Variants in PRSS37 observed in about 807,000 individuals in gnomAD.
The protein encoded by PRSS37 is serine protease 37, also known as probable inactive serine protease 37.
A neutral mutation model predicts 28.0 loss-of-function variants in PRSS37; 25 were observed. The observed-to-expected ratio is 0.89, with a 90% CI of 0.65 to 1.25. The LOEUF is 1.25. PRSS37 is among the 50% of genes most tolerant of loss of function. PRSS37 has a pLI of 0.00. For missense variants in PRSS37, 282 were observed against 292.2 expected, an observed-to-expected ratio of 0.97 and a Z score of 0.25; for synonymous variants, 109 against 107.8, an observed-to-expected ratio of 1.01 and a Z score of -0.07.
Position 141,841,328 on chromosome 7 carries a change from G to C in PRSS37, c.-279C>G, listed in dbSNP as rs991704492. ...CTCCTGGATTCAGCTCCTTCTATCTGCTGCCCCTAAAAACACATCTGTTTG... is the reference window on the plus strand; with the variant it reads ...CTCCTGGATTCAGCTCCTTCTATCTCCTGCCCCTAAAAACACATCTGTTTG... On this transcript the variant is annotated 5_prime_UTR_variant, in exon 1 of 5. Transcript: ENST00000350549. 3 of 458,562 alleles carry C rather than the reference G, an allele frequency of 6.5e-6. No individual in the cohort carries two copies. The highest frequency in any genetic ancestry group is 6.1e-5 in the African/African-American group (3 of 49,522). 28.4% of individuals were successfully genotyped at this position (458,562 alleles called of 1,614,324 possible).
intron 2 of PRSS37, 121 bp from the exon 3 acceptor site, chr7:141,838,234 A>G: frequency 6.6e-7 from 1 of 1,519,594 alleles, no homozygotes; most frequent in Non-Finnish European, 8.9e-7. Flanking sequence ...CATTTAACTC[A>G]CAACAAGTCT....
rs1465165178 is a variant in PRSS37, at chr7:141,836,425, G to T, written c.678C>A (p.Ser226=). The T allele has an allele frequency of 6.2e-7, 1 of 1,614,038 alleles. No homozygotes were observed. Among genetic ancestry groups the T allele is most frequent in the South Asian group, 1.1e-5 (1 of 91,082 alleles). The change falls in exon 5 of 5, where the codon TCC becomes TCA. Residue 226 remains serine, a synonymous_variant. Transcript: ENST00000350549. The part of the protein sequence containing the change: ...GIYTNVYKYV[S]WIENTAKDK The stretch of plus-strand genomic sequence containing the variant: ...TGTCCTTAGCAGTGTTCTCAATCCA[G>T]GATACATATTTGTAAACATTGGTGT...
intron 1 of PRSS37, 131 bp from the exon 2 acceptor site, chr7:141,839,610 T>C (rs1244836610): frequency 6.4e-6 from 4 of 620,548 alleles, no homozygotes; most frequent in Non-Finnish European, 1.1e-5. Flanking sequence ...GTATTTGACA[T>C]GTTTTTCTAA....
chr7:141,841,184 G>A lies in PRSS37; in HGVS notation c.-135C>T. On this transcript the variant is annotated 5_prime_UTR_variant, in exon 1 of 5. The change creates a premature stop within an existing upstream ORF in the 5' untranslated region. Coordinates refer to ENST00000350549, the MANE Select transcript of PRSS37 (RefSeq NM_001008270.3). The stretch of plus-strand genomic sequence containing the variant: ...AGATACGGAGGCACTCCATGGGATT[G>A]GAAAGCAGCTCTGGGCATAAACAGG... 5 of 1,517,380 alleles carry A rather than the reference G, an allele frequency of 3.3e-6. No individual in the cohort carries two copies. Among genetic ancestry groups the A allele is most frequent in the Non-Finnish European group, 4.4e-6 (5 of 1,128,470 alleles). The allele number at this position is 1,517,380 out of a possible 1,614,324, so 94.0% of individuals were successfully genotyped here.
chr7:141,841,209 G>A lies in PRSS37; in HGVS notation c.-160C>T, dbSNP rs1199091920. 1.4e-6 allele frequency: 2 copies of A among 1,458,216 alleles called. No homozygotes were observed. The highest frequency in any genetic ancestry group is 2.8e-5 in the African/African-American group (2 of 70,878). The allele number at this position is 1,458,216 out of a possible 1,614,324, so 90.3% of individuals were successfully genotyped here. A position where few individuals can be genotyped will look rare whatever the true frequency, so the allele number is the denominator to read the frequency against. On this transcript the variant is annotated 5_prime_UTR_variant, in exon 1 of 5. Coordinates refer to ENST00000350549, the MANE Select transcript of PRSS37 (RefSeq NM_001008270.3). ...GGAAAGCAGCTCTGGGCATAAACAGGGGAGGGAGATGGCTTCAGAGAGACA... is the reference window on the plus strand; with the variant it reads ...GGAAAGCAGCTCTGGGCATAAACAGAGGAGGGAGATGGCTTCAGAGAGACA...
At position 141,841,037 on chromosome 7, in the gene PRSS37, A is replaced by C. The variant is rs1801134602; in HGVS notation, c.13T>G (p.Phe5Val). Residue 5 changes from phenylalanine to valine, a missense_variant, in exon 1 of 5, where the codon TTC (phenylalanine) becomes GTC (valine). Phe to Val is a conservative substitution (Grantham distance 50). Transcript: ENST00000350549. MKYVFYLGVLAGTFF... is the reference protein window; with the variant it reads MKYVVYLGVLAGTFF... The stretch of plus-strand genomic sequence containing the variant: ...ATACCAGCGAGGACACCCAAATAGA[A>C]GACATATTTCATGGTGATCCAGCTC... 1.2e-6 allele frequency: 2 copies of C among 1,613,838 alleles called. No individual in the cohort carries two copies. Among genetic ancestry groups the C allele is most frequent in the Non-Finnish European group, 1.7e-6 (2 of 1,179,742 alleles).
Position 141,841,324 on chromosome 7 carries a change from A to G in PRSS37, c.-275T>C, listed in dbSNP as rs541903175. On this transcript the variant is annotated 5_prime_UTR_variant, in exon 1 of 5. Coordinates refer to ENST00000350549, the MANE Select transcript of PRSS37 (RefSeq NM_001008270.3). ...GAAACTCCTGGATTCAGCTCCTTCT[A>G]TCTGCTGCCCCTAAAAACACATCTG... 2.1e-6 allele frequency: 1 copy of G among 477,200 alleles called. No individual in the cohort carries two copies. Among genetic ancestry groups the G allele is most frequent in the South Asian group, 2.2e-5 (1 of 44,782 alleles). The allele number at this position is 477,200 out of a possible 1,614,324, so 29.6% of individuals were successfully genotyped here. A position where few individuals can be genotyped will look rare whatever the true frequency, so the allele number is the denominator to read the frequency against.
Position 141,837,938 on chromosome 7 carries a change from G to A in PRSS37, c.352C>T (p.Leu118Phe). 6.2e-7 allele frequency: 1 copy of A among 1,614,138 alleles called. No homozygotes were observed. The highest frequency in any genetic ancestry group is 1.1e-5 in the South Asian group (1 of 91,074). ...CTGACATTGGTGGTGGCGAGGGTAA[G>A]GGGCTGGACTTTGGGATTGAGCATG... ...PAMLNPKVQP[L>F]TLATTNVRPG... The change falls in exon 3 of 5, where the codon CTT becomes TTT. Residue 118 changes from leucine (L) to phenylalanine (F), a missense_variant. By Grantham distance (22) the Leu-to-Phe change is conservative (BLOSUM62 0). Coordinates refer to ENST00000350549, the MANE Select transcript of PRSS37 (RefSeq NM_001008270.3).
chr7:141,839,095 C>T, intron 2 of PRSS37: 1 of 627,532 alleles, frequency 1.6e-6, no homozygotes, highest in South Asian at 1.6e-5. Flanking sequence ...GGCACTATTG[C>T]TGTTCTGGGC....
At chr7:141,839,620 A>G in intron 1 of PRSS37, 141 bp from the exon 2 acceptor site, 1 of 600,582 alleles carries the variant, frequency 1.7e-6, no homozygotes, top group Non-Finnish European at 2.8e-6. Context: ...TGTTTTTCTA[A>G]TAAAAATGTA....
rs754373535 is a variant in PRSS37 at position 141,841,063 on chromosome 7, T to C, written c.-14A>G. 10 of 1,613,460 alleles carry C rather than the reference T, an allele frequency of 6.2e-6. No individual in the cohort carries two copies. The highest frequency in any genetic ancestry group is 1.3e-5 in the African/African-American group (1 of 74,928). On this transcript the variant is annotated 5_prime_UTR_variant, in exon 1 of 5. Coordinates refer to ENST00000350549, the MANE Select transcript of PRSS37 (RefSeq NM_001008270.3). ...GACATATTTCATGGTGATCCAGCTC[T>C]TCCCCCTGTGAGATGTAGAAGAAAA...
At chr7:141,838,871 C>A in intron 2 of PRSS37, 2 of 415,582 alleles carry the variant, frequency 4.8e-6, no homozygotes, top group Admixed American at 3.0e-5. Context: ...TGGTATGGAA[C>A]TATTCTTAAT....
chr7:141,838,720 G>C (rs1801055898), intron 2 of PRSS37: 1 of 264,008 alleles, frequency 3.8e-6, no homozygotes, highest in African/African-American at 2.3e-5. Context: ...CCTTGACTAG[G>C]GGTTACAATC....
intron 2 of PRSS37, chr7:141,839,100 C>T: frequency 3.2e-6 from 2 of 629,518 alleles, no homozygotes; most frequent in African/African-American, 1.8e-5. Context: ...TATTGCTGTT[C>T]TGGGCTGGAC....
chr7:141,839,220 C>G (rs1801078795), intron 2 of PRSS37, 118 bp downstream of exon 2: 1 of 1,106,410 alleles, frequency 9.0e-7, no homozygotes, highest in Non-Finnish European at 1.3e-6. Context: ...TTGTGACAAC[C>G]AAAAATATCT....
At position 141,838,008 on chromosome 7, in the gene PRSS37, G is replaced by A. The variant is rs115186924; in HGVS notation, c.282C>T (p.Ser94=). 1,590 of 1,614,132 alleles carry A rather than the reference G, an allele frequency of 9.9e-4. 15 individuals carry two copies. In the African/African-American group the frequency reaches 0.019, roughly 20 times the overall value. ...QIVRYWNYSH[S]APQDDLMLIK... ...TGAGCATGAGGTCATCCTGTGGGGC[G>A]CTATGACTGTAGTTCCAGTAGCGGA... Residue 94 remains serine, a synonymous_variant, in exon 3 of 5, where the codon AGC becomes AGT. Coordinates refer to ENST00000350549, the MANE Select transcript of PRSS37 (RefSeq NM_001008270.3).
chr7:141,838,332 A>G (rs980933103), intron 2 of PRSS37: 2 of 1,407,482 alleles, frequency 1.4e-6, no homozygotes, highest in Middle Eastern at 2.4e-4. Flanking sequence ...TATAGTAAGT[A>G]GTGGAGCCCT....
chr7:141,837,957 G>A lies in PRSS37; in HGVS notation c.333C>T (p.Leu111=). The change falls in exon 3 of 5, where the codon CTC becomes CTT. Residue 111 remains leucine, a synonymous_variant. Transcript: ENST00000350549. The part of the protein sequence containing the change: ...MLIKLAKPAM[L]NPKVQPLTLA... ...GGGTAAGGGGCTGGACTTTGGGATT[G>A]AGCATGGCAGGCTTAGCCAGCTTGA... The A allele has an allele frequency of 6.2e-7, 1 of 1,614,152 alleles. No homozygotes were observed. Among genetic ancestry groups the A allele is most frequent in the Non-Finnish European group, 8.5e-7 (1 of 1,180,028 alleles).
At chr7:141,840,381 C>A (rs1416303625) in intron 1 of PRSS37, among the ~76,000 whole-genome samples, 3 of 152,158 alleles carry the variant, frequency 2.0e-5, no homozygotes, top group African/African-American at 7.2e-5. Context: ...TGTACCTCAC[C>A]ACACCCTTCT....
Sources: gnomAD v4.1 joint callset for allele counts (sites outside exome capture counted in the v4.1 genomes callset) on GRCh38, gnomAD v4.1.1 for gene constraint, MANE v1.5 for transcripts, NCBI Gene and HGNC (gene_info 2026-07-23, HGNC 2026-07-21) for gene names.